POTEC: variants seen among roughly 807,000 people sequenced by gnomAD.
POTEC encodes ANKRD26-like family B member 2.
In POTEC, 35 loss-of-function variants were observed where a neutral mutation model predicts 62.0. The ratio of observed to expected loss-of-function variants is 0.56; its 90% CI spans 0.43 to 0.75. The LOEUF is 0.75. Among genes scored for constraint, POTEC ranks in the 30% least tolerant of loss-of-function variants. The pLI is 0.00. For missense variants in POTEC, 472 were observed against 655.9 expected, an observed-to-expected ratio of 0.72 and a Z score of 3.06; for synonymous variants, 156 against 221.5, an observed-to-expected ratio of 0.70 and a Z score of 2.62.
In POTEC at chr18:14,523,981, T is replaced by G. The variant is rs549484185; in HGVS notation, c.1198-474A>C. 7.9e-4 allele frequency among the ~76,000 whole-genome samples: 121 copies of G among 152,252 alleles called. 1 individual carries two copies. The South Asian group carries it at 0.023, about 29-fold the overall frequency. On this transcript the variant is annotated intron_variant, in intron 7 of 10. Transcript: ENST00000358970. ...AAGTGCTTTTTTAAAAGATTCCTAA[T>G]TGGATTGTAGGCACGCTTTAAATTA...
chr18:14,516,291 G>T (rs1398027035), intron 9 of POTEC, among the ~76,000 whole-genome samples: 2 of 33,396 alleles, frequency 6.0e-5, no homozygotes, highest in African/African-American at 2.3e-4. Context: ...GTGGAATAAA[G>T]AAAATTTTAT....
chr18:14,515,576 C>A (rs532161441), intron 9 of POTEC, among the ~76,000 whole-genome samples: 1 of 151,912 alleles, frequency 6.6e-6, no homozygotes, highest in Non-Finnish European at 1.5e-5. Context: ...AACCTAAGAC[C>A]TGAAGACATT....
chr18:14,535,308 A>G (rs1413220009), intron 3 of POTEC, among the ~76,000 whole-genome samples: 1 of 149,292 alleles, frequency 6.7e-6, no homozygotes, highest in Admixed American at 6.7e-5. Context: ...TCATTTAAAC[A>G]AAAAGCTTCT....
chr18:14,518,839 T>C (rs1489852015), intron 9 of POTEC, among the ~76,000 whole-genome samples: 1 of 149,626 alleles, frequency 6.7e-6, no homozygotes, highest in Admixed American at 6.7e-5. Flanking sequence ...AAGAATTCAG[T>C]GTGGCTGAAG....
intron 6 of POTEC, among the ~76,000 whole-genome samples, chr18:14,526,480 T>G (rs1029705295): frequency 9.2e-5 from 14 of 152,054 alleles, no homozygotes; most frequent in African/African-American, 3.1e-4. Context: ...GTGTTAGGGT[T>G]TAAAAAGAAT....
chr18:14,542,870 T>G lies in POTEC; in HGVS notation c.277A>C (p.Thr93Pro), dbSNP rs765884865. Residue 93 changes from threonine (T) to proline (P), a missense_variant, in exon 1 of 11, where the codon ACG (threonine) becomes CCG (proline). Physicochemically the swap from Thr to Pro is conservative, Grantham distance 38. Coordinates refer to ENST00000358970, the MANE Select transcript of POTEC (RefSeq NM_001137671.2). ...SGDHDNSFMKTLRSKMGKWCC... is the reference protein window; with the variant it reads ...SGDHDNSFMKPLRSKMGKWCC... ...CACTTGCCCATCTTGCTCCTGAGCG[T>G]CTTCATAAAGGAGTTGTCATGGTCT... The G allele has an allele frequency of 7.7e-7, 1 of 1,298,972 alleles. No individual in the cohort carries two copies. Among genetic ancestry groups the G allele is most frequent in the Non-Finnish European group, 1.1e-6 (1 of 934,026 alleles). The allele number at this position is 1,298,972 out of a possible 1,614,324, so 80.5% of individuals were successfully genotyped here. A position where few individuals can be genotyped will look rare whatever the true frequency, so the allele number is the denominator to read the frequency against.
At chr18:14,527,964 C>A (rs7229498) in intron 6 of POTEC, 29,977 of 152,134 alleles carry the variant, frequency 0.2, 3,375 homozygotes, top group East Asian at 0.47. Context: ...GTTATCTTCC[C>A]TCAATCCCAG....
chr18:14,513,550 C>CAT (rs1910068562), intron 10 of POTEC, 112 bp downstream of exon 10: 1 of 1,480,570 alleles, frequency 6.8e-7, no homozygotes, highest in South Asian at 1.3e-5. Context: ...CACACACACA[C>CAT]ACACACACGT....
rs114980174 is a variant in POTEC at position 14,537,867 on chromosome 18, G to A, written c.744C>T (p.His248=). ...YGNTTLHYAV[H]NEDKLMAKAL... ...CTTTGGCCATTAATTTATCTTCATT[G>A]TGGACAGCATAGTGTAGAGTGGTAT... The change falls in exon 3 of 11, where the codon CAC becomes CAT. Residue 248 remains histidine, a synonymous_variant. Coordinates refer to ENST00000358970, the MANE Select transcript of POTEC (RefSeq NM_001137671.2). 5.6e-3 allele frequency: 8,971 copies of A among 1,612,198 alleles called. 255 individuals carry two copies. Among genetic ancestry groups the A allele is most frequent in the South Asian group, 0.051 (4,631 of 90,994 alleles).
intron 6 of POTEC, chr18:14,529,046 C>G (rs1007675676): frequency 2.2e-6 from 1 of 454,054 alleles, no homozygotes; most frequent in African/African-American, 2.0e-5. Flanking sequence ...GCTTCTTTAC[C>G]TAGAAAAATT....
At chr18:14,535,724 G>T (rs1856615086) in intron 3 of POTEC, among the ~76,000 whole-genome samples, 2 of 151,896 alleles carry the variant, frequency 1.3e-5, no homozygotes, top group South Asian at 4.2e-4. Flanking sequence ...AAAAGGTTTA[G>T]AATTTGCTAC....
chr18:14,543,552 G>A lies in POTEC; in HGVS notation c.-406C>T, dbSNP rs1906041339. 5.9e-6 allele frequency: 2 copies of A among 336,416 alleles called. No homozygotes were observed. The highest frequency in any genetic ancestry group is 1.1e-5 in the Non-Finnish European group (2 of 183,684). 20.8% of individuals were successfully genotyped at this position (336,416 alleles called of 1,614,324 possible). A position where few individuals can be genotyped will look rare whatever the true frequency, so the allele number is the denominator to read the frequency against. ...CCAAGCTAGGAACGCAAGGCCAAGC[G>A]AGGAACGCAAAGCGAAGCGTACCCG... On this transcript the variant is annotated 5_prime_UTR_variant, in exon 1 of 11. Coordinates refer to ENST00000358970, the MANE Select transcript of POTEC (RefSeq NM_001137671.2).
chr18:14,511,379 G>A lies in POTEC; in HGVS notation c.*519C>T, dbSNP rs576619907. 3 of 299,270 alleles carry A rather than the reference G, an allele frequency of 1.0e-5. No individual in the cohort carries two copies. The highest frequency in any genetic ancestry group is 9.9e-5 in the East Asian group (1 of 10,148). 18.5% of individuals were successfully genotyped at this position (299,270 alleles called of 1,614,324 possible). On this transcript the variant is annotated 3_prime_UTR_variant, in exon 11 of 11. Transcript: ENST00000358970. The stretch of plus-strand genomic sequence containing the variant: ...GGTTTGTACTCTCCAAAGCCCGCAC[G>A]CTGGAATCGCTAAGTTGCCCAAACA...
chr18:14,533,844 T>C (rs1158478754), intron 4 of POTEC, among the ~76,000 whole-genome samples: 2 of 151,766 alleles, frequency 1.3e-5, no homozygotes, highest in East Asian at 1.9e-4. Context: ...TCCAGTCTTG[T>C]GTGAATCCAA....
intron 9 of POTEC, among the ~76,000 whole-genome samples, chr18:14,520,718 G>A (rs900023759): frequency 1.3e-5 from 2 of 151,832 alleles, no homozygotes; most frequent in African/African-American, 4.8e-5. Context: ...TAGCACACGG[G>A]TCAGCAAATT....
intron 9 of POTEC, among the ~76,000 whole-genome samples, chr18:14,514,840 A>G (rs1342991205): frequency 6.6e-6 from 1 of 151,962 alleles, no homozygotes. Context: ...GATTTGATAA[A>G]TGAATTTAGT....
At chr18:14,512,743 C>A (rs536006232) in intron 10 of POTEC, among the ~76,000 whole-genome samples, 65 of 151,716 alleles carry the variant, frequency 4.3e-4, no homozygotes, top group Non-Finnish European at 2.2e-4. Flanking sequence ...TGCACTCCAG[C>A]GTGGGTGACA....
intron 9 of POTEC, 40 bp downstream of exon 9, chr18:14,522,214 G>C (rs768663126): frequency 1.2e-6 from 2 of 1,600,732 alleles, no homozygotes; most frequent in African/African-American, 2.7e-5. Context: ...TAGTTTGACA[G>C]CATATAGTTA....
intron 1 of POTEC, among the ~76,000 whole-genome samples, chr18:14,541,570 C>T (rs1397788230): frequency 6.6e-6 from 1 of 152,104 alleles, no homozygotes; most frequent in Non-Finnish European, 1.5e-5. Context: ...AACCAGGAAC[C>T]AGAGGTTGTA....
Sources: gnomAD v4.1 joint callset for allele counts (sites outside exome capture counted in the v4.1 genomes callset) on GRCh38, gnomAD v4.1.1 for gene constraint, MANE v1.5 for transcripts, NCBI Gene and HGNC (gene_info 2026-07-23, HGNC 2026-07-21) for gene names.